UVRAG: variants seen among roughly 807,000 people sequenced by gnomAD.
UVRAG encodes the protein UV radiation resistance associated.
UVRAG carries 19 observed loss-of-function variants against 78.0 expected under a neutral mutation model. That is an observed-to-expected ratio of 0.24 (90% CI 0.17 to 0.36). The LOEUF is 0.36. UVRAG is among the 10% of genes least tolerant of loss of function. The pLI, the probability that UVRAG is intolerant of heterozygous loss-of-function variation, is 1.00. For missense variants in UVRAG, 740 were observed against 853.8 expected (o/e 0.87, Z 1.66); for synonymous variants, 323 against 324.6 (o/e 1.00, Z 0.05).
At chr11:75,873,015 GGTGATGTGTCAT>G (rs1269287503) in intron 3 of UVRAG, among the ~76,000 whole-genome samples, 1 of 152,168 alleles carries the variant, frequency 6.6e-6, no homozygotes, top group Non-Finnish European at 1.5e-5. Context: ...AATCAGTGAT[GGTGATGTGTCAT>G]GCCAGGTGCC....
intron 12 of UVRAG, among the ~76,000 whole-genome samples, chr11:76,026,548 T>G (rs865799624): frequency 6.6e-6 from 1 of 152,176 alleles, no homozygotes; most frequent in South Asian, 2.1e-4. Flanking sequence ...GCTATGGCCT[T>G]CATTTCCAAC....
At chr11:76,107,784 A>G (rs1473963189) in intron 13 of UVRAG, among the ~76,000 whole-genome samples, 1 of 148,696 alleles carries the variant, frequency 6.7e-6, no homozygotes, top group Admixed American at 6.7e-5. Context: ...TGTTTTTGAC[A>G]TGGTGGTACT....
At chr11:76,104,605 A>C (rs1056463280) in intron 13 of UVRAG, among the ~76,000 whole-genome samples, 2 of 152,202 alleles carry the variant, frequency 1.3e-5, no homozygotes, top group African/African-American at 4.8e-5. Flanking sequence ...CCTAACATAT[A>C]TTTAGATTAT....
At chr11:75,978,651 T>G (rs1949311951) in intron 7 of UVRAG, among the ~76,000 whole-genome samples, 1 of 152,248 alleles carries the variant, frequency 6.6e-6, no homozygotes, top group South Asian at 2.1e-4. Context: ...TTCTTCCAGT[T>G]GATCGAATCG....
intron 8 of UVRAG, among the ~76,000 whole-genome samples, chr11:75,990,948 T>C (rs1257996893): frequency 6.6e-6 from 1 of 152,222 alleles, no homozygotes; most frequent in Non-Finnish European, 1.5e-5. Flanking sequence ...ATTGGTGTCA[T>C]GTCATGGGTA....
intron 6 of UVRAG, among the ~76,000 whole-genome samples, chr11:75,927,243 T>C (rs1948130001): frequency 6.6e-6 from 1 of 152,060 alleles, no homozygotes. Flanking sequence ...CTAATTTTTA[T>C]ATTTTTAGTA....
intron 8 of UVRAG, among the ~76,000 whole-genome samples, chr11:75,986,538 A>T (rs1949504336): frequency 6.6e-6 from 1 of 152,186 alleles, no homozygotes; most frequent in African/African-American, 2.4e-5. Flanking sequence ...ATTAAATTTC[A>T]TTACACTAAA....
intron 7 of UVRAG, among the ~76,000 whole-genome samples, chr11:75,976,955 G>C (rs1012333919): frequency 5.3e-5 from 8 of 152,186 alleles, no homozygotes; most frequent in Non-Finnish European, 1.0e-4. Context: ...TTTTAATTGT[G>C]ATGTTAGGGT....
At chr11:75,947,259 C>T (rs112714979) in intron 6 of UVRAG, among the ~76,000 whole-genome samples, 2 of 152,102 alleles carry the variant, frequency 1.3e-5, no homozygotes, top group Non-Finnish European at 2.9e-5. Context: ...TGAACTGATA[C>T]GTGACCTTAA....
intron 7 of UVRAG, among the ~76,000 whole-genome samples, chr11:75,970,189 T>G (rs995501457): frequency 6.6e-6 from 1 of 152,140 alleles, no homozygotes; most frequent in African/African-American, 2.4e-5. Flanking sequence ...GAATTTCAGA[T>G]TTGTATCTGG....
chr11:75,911,852 A>G (rs1591008702), intron 5 of UVRAG, 102 bp from the exon 6 acceptor site: 3 of 747,608 alleles, frequency 4.0e-6, no homozygotes, highest in South Asian at 1.9e-5. Context: ...AGATTTACTC[A>G]GTTGTTAATA....
At chr11:75,878,761 T>C (rs1217766259) in intron 3 of UVRAG, among the ~76,000 whole-genome samples, 1 of 150,224 alleles carries the variant, frequency 6.7e-6, no homozygotes, top group African/African-American at 2.4e-5. Flanking sequence ...CTCGGCAGGC[T>C]GAGGCAGGAG....
intron 14 of UVRAG, among the ~76,000 whole-genome samples, chr11:76,131,148 C>A (rs1031735139): frequency 6.6e-6 from 1 of 152,038 alleles, no homozygotes; most frequent in African/African-American, 2.4e-5. Context: ...TTTTACAGTC[C>A]TCATAATGTT....
At chr11:76,007,729 T>C (rs1565117184) in intron 10 of UVRAG, 108 bp downstream of exon 10, 3 of 816,720 alleles carry the variant, frequency 3.7e-6, no homozygotes, top group Non-Finnish European at 5.9e-6. Flanking sequence ...TCATATGCTC[T>C]GTCATGATTC....
At chr11:76,034,299 C>T (rs1347056956) in intron 12 of UVRAG, among the ~76,000 whole-genome samples, 1 of 152,112 alleles carries the variant, frequency 6.6e-6, no homozygotes, top group African/African-American at 2.4e-5. Flanking sequence ...TCAAGCACAT[C>T]TCCCACCTCA....
chr11:75,827,332 C>G (rs539059178), intron 1 of UVRAG, among the ~76,000 whole-genome samples: 1 of 151,902 alleles, frequency 6.6e-6, no homozygotes, highest in Non-Finnish European at 1.5e-5. Context: ...TAATTCTGGG[C>G]GGGGCGCGGT....
intron 3 of UVRAG, 124 bp from the exon 4 acceptor site, chr11:75,879,755 A>T: frequency 7.8e-7 from 1 of 1,274,966 alleles, no homozygotes; most frequent in East Asian, 2.3e-5. Flanking sequence ...GGCTTACTTA[A>T]GTTTGCAATT....
chr11:75,893,662 A>AT (rs918936264), intron 5 of UVRAG, among the ~76,000 whole-genome samples: 12 of 129,410 alleles, frequency 9.3e-5, no homozygotes, highest in African/African-American at 3.7e-4. Context: ...ATGAAATACT[A>AT]TCTCTACCAA....
At chr11:75,819,795 C>A (rs1945345433) in intron 1 of UVRAG, among the ~76,000 whole-genome samples, 2 of 151,796 alleles carry the variant, frequency 1.3e-5, no homozygotes, top group Non-Finnish European at 2.9e-5. Context: ...ATGGTGAAAC[C>A]CTGTCTCTAC....
Sources: allele counts gnomAD v4.1 joint callset (sites outside exome capture counted in the v4.1 genomes callset), GRCh38; gene constraint gnomAD v4.1.1; transcripts MANE v1.5; gene names NCBI Gene and HGNC (gene_info 2026-07-23, HGNC 2026-07-21).